Variants in GRID2 observed in about 807,000 individuals in gnomAD.
The protein encoded by GRID2 is glutamate receptor ionotropic, delta-2.
A neutral mutation model predicts 114.8 loss-of-function variants in GRID2; 33 were observed. The observed-to-expected ratio is 0.29, with a 90% CI of 0.22 to 0.38. The LOEUF (loss-of-function observed/expected upper bound fraction) is 0.38. Ranked by LOEUF, GRID2 falls within the 10% of genes least tolerant of loss-of-function variation. The pLI is 1.00. For synonymous variants in GRID2, 505 were observed against 449.9 expected (o/e 1.12, Z -1.55); for missense variants, 1,184 against 1,257.7 (o/e 0.94, Z 0.89).
chr4:93,655,531 A>G (rs1024337228), intron 14 of GRID2, among the ~76,000 whole-genome samples: 3 of 152,180 alleles, frequency 2.0e-5, no homozygotes, highest in Non-Finnish European at 4.4e-5. Flanking sequence ...TTATAAAGTA[A>G]GAAAATTGTA....
At chr4:92,518,310 C>A (rs1162581490) in intron 1 of GRID2, among the ~76,000 whole-genome samples, 1 of 151,846 alleles carries the variant, frequency 6.6e-6, no homozygotes, top group Non-Finnish European at 1.5e-5. Context: ...TGCCAAGATA[C>A]AAAAGCTCAG....
chr4:93,680,675 A>C lies in GRID2; in HGVS notation c.2360+54240A>C, dbSNP rs866714889. Reference sequence around the variant, plus strand: ...GCATATAAACAGAACCAAAGACAAAAACCACATGATTATCTCAATAGATGC... The same window carrying C: ...GCATATAAACAGAACCAAAGACAAACACCACATGATTATCTCAATAGATGC... On this transcript the variant is annotated intron_variant, in intron 14 of 15. Coordinates refer to ENST00000282020, the MANE Select transcript of GRID2 (RefSeq NM_001510.4). 4.5e-3 allele frequency among the ~76,000 whole-genome samples: 689 copies of C among 151,724 alleles called. 4 individuals carry two copies. Among genetic ancestry groups the C allele is most frequent in the African/African-American group, 0.015 (602 of 41,294 alleles).
intron 2 of GRID2, among the ~76,000 whole-genome samples, chr4:92,817,157 A>G (rs1740967787): frequency 6.6e-6 from 1 of 152,090 alleles, no homozygotes; most frequent in Non-Finnish European, 1.5e-5. Flanking sequence ...TTAAAATTCA[A>G]TTTAGTATGT....
At chr4:93,421,256 C>T (rs1048470368) in intron 9 of GRID2, among the ~76,000 whole-genome samples, 3 of 152,136 alleles carry the variant, frequency 2.0e-5, no homozygotes, top group African/African-American at 4.8e-5. Context: ...GAATTAGTCA[C>T]ATGGCCATGA....
At chr4:93,806,795 C>T (rs1468756095) in exon 2 of GRID2, 1 of 152,236 alleles carries the variant, frequency 6.6e-6, no homozygotes, top group African/African-American at 2.4e-5. Context: ...AACTTGGCAG[C>T]AATACCTGGA....
At chr4:92,825,728 G>T (rs963017752) in intron 2 of GRID2, among the ~76,000 whole-genome samples, 2 of 152,090 alleles carry the variant, frequency 1.3e-5, no homozygotes, top group African/African-American at 2.4e-5. Flanking sequence ...TGTCAAAATA[G>T]CATGTAATGC....
chr4:93,157,235 C>T (rs1737272436), intron 4 of GRID2, among the ~76,000 whole-genome samples: 1 of 151,584 alleles, frequency 6.6e-6, no homozygotes, highest in Non-Finnish European at 1.5e-5. Flanking sequence ...ATTTGTGAGA[C>T]TCGAAACACC....
intron 1 of GRID2, among the ~76,000 whole-genome samples, chr4:92,541,114 AGGAGAACATCACACACT>A (rs1187773750): frequency 6.6e-6 from 1 of 151,998 alleles, no homozygotes; most frequent in East Asian, 1.9e-4. Context: ...GGACACAGGA[AGGAGAACATCACACACT>A]GGGGCCTGTT....
chr4:93,783,487 A>G (rs1238641048), intron 1 of GRID2, among the ~76,000 whole-genome samples: 2 of 152,232 alleles, frequency 1.3e-5, no homozygotes, highest in African/African-American at 4.8e-5. Flanking sequence ...TATGGGATCC[A>G]TAAAAATTGA....
chr4:93,168,091 G>A (rs903702220), intron 4 of GRID2, among the ~76,000 whole-genome samples: 1 of 152,112 alleles, frequency 6.6e-6, no homozygotes, highest in African/African-American at 2.4e-5. Flanking sequence ...ACCCACTTGG[G>A]AGGCTAAGGC....
chr4:92,353,508 T>G (rs1053451736), intron 1 of GRID2, among the ~76,000 whole-genome samples: 1 of 151,964 alleles, frequency 6.6e-6, no homozygotes, highest in African/African-American at 2.4e-5. Context: ...GTTTTTGGAG[T>G]CTCTAATCAT....
chr4:92,826,496 A>T (rs1185532281), intron 2 of GRID2, among the ~76,000 whole-genome samples: 2 of 152,024 alleles, frequency 1.3e-5, no homozygotes, highest in African/African-American at 4.8e-5. Flanking sequence ...GTGGTCTGTT[A>T]TTCCCACTGG....
rs149701654 is a variant in GRID2 at position 92,898,937 on chromosome 4, T to C, written c.245-186058T>C. Among the ~76,000 whole-genome samples, 4 of 152,280 alleles carry C rather than the reference T, an allele frequency of 2.6e-5. No individual in the cohort carries two copies. The East Asian group carries it at 7.7e-4, about 29-fold the overall frequency. ...TAGTAACAATAACTTTAATTTTGTA[T>C]AGACTTTTCCAATTACAAAGAGTTT... On this transcript the variant is annotated intron_variant, in intron 2 of 15. Transcript: ENST00000282020.
At chr4:93,280,349 G>A (rs887493667) in intron 8 of GRID2, among the ~76,000 whole-genome samples, 3 of 151,858 alleles carry the variant, frequency 2.0e-5, no homozygotes, top group African/African-American at 7.3e-5. Flanking sequence ...TATTGTACAG[G>A]CATAAACAAT....
chr4:92,514,069 A>G (rs1207502581), intron 1 of GRID2, among the ~76,000 whole-genome samples: 1 of 152,006 alleles, frequency 6.6e-6, no homozygotes, highest in East Asian at 2.0e-4. Flanking sequence ...TTCTCAGGGG[A>G]AGACTATAAA....
chr4:92,706,569 T>C (rs963197636), intron 2 of GRID2, among the ~76,000 whole-genome samples: 5 of 152,238 alleles, frequency 3.3e-5, no homozygotes, highest in Middle Eastern at 3.4e-3. Flanking sequence ...GTTTTGGTTA[T>C]ATGTGGGGTA....
At position 92,747,025 on chromosome 4, in the gene GRID2, A is replaced by C. The variant is rs1370976556; in HGVS notation, c.244+156739A>C. 2.0e-5 allele frequency among the ~76,000 whole-genome samples: 3 copies of C among 152,238 alleles called. No individual in the cohort carries two copies. The Middle Eastern group carries it at 0.01, about 518-fold the overall frequency. On this transcript the variant is annotated intron_variant, in intron 2 of 15. Transcript: ENST00000282020. ...ACTAAACATATAGAGAATTGATGGA[A>C]TAAAAATCCCCCAATCCTTGAAAGT...
At chr4:93,637,271 A>G (rs937546616) in intron 14 of GRID2, among the ~76,000 whole-genome samples, 16 of 152,172 alleles carry the variant, frequency 1.1e-4, no homozygotes, top group African/African-American at 3.9e-4. Flanking sequence ...ACTATGTTAA[A>G]TAATTTAATT....
At chr4:93,378,340 C>A (rs1016416592) in intron 8 of GRID2, among the ~76,000 whole-genome samples, 1 of 152,146 alleles carries the variant, frequency 6.6e-6, no homozygotes, top group African/African-American at 2.4e-5. Flanking sequence ...ACAGAAAGGT[C>A]TATTATAATG....
Sources: gnomAD v4.1 joint callset for allele counts (sites outside exome capture counted in the v4.1 genomes callset) on GRCh38, gnomAD v4.1.1 for gene constraint, MANE v1.5 for transcripts, NCBI Gene and HGNC (gene_info 2026-07-23, HGNC 2026-07-21) for gene names.